The following CDH11 variants were observed in gnomAD, a reference collection of about 807,000 sequenced individuals.
CDH11 encodes cadherin 11.
In CDH11, 11 loss-of-function variants were observed where a neutral mutation model predicts 67.8. That is an observed-to-expected ratio of 0.16 (90% CI 0.10 to 0.27). The LOEUF (loss-of-function observed/expected upper bound fraction) is 0.27, where lower values mean the gene tolerates loss of function less well. CDH11 is among the 10% of genes least tolerant of loss of function. The pLI is 1.00. For missense variants in CDH11, 847 were observed against 1,031.2 expected, an observed-to-expected ratio of 0.82 and a Z score of 2.45; for synonymous variants, 419 against 400.0, an observed-to-expected ratio of 1.05 and a Z score of -0.57.
chr16:65,091,047 G>C (rs2074784338), intron 1 of CDH11, among the ~76,000 whole-genome samples: 1 of 152,238 alleles, frequency 6.6e-6, no homozygotes, highest in Non-Finnish European at 1.5e-5. Flanking sequence ...ATACGCATAA[G>C]TGCGTAAGTA....
intron 2 of CDH11, among the ~76,000 whole-genome samples, chr16:65,011,174 G>T (rs546751011): frequency 6.6e-6 from 1 of 150,908 alleles, no homozygotes; most frequent in Admixed American, 6.6e-5. Flanking sequence ...GTGAGGCTTA[G>T]TGTCCTTATG....
rs1182087240 is a variant in CDH11, at chr16:65,048,701, TATAGAC to T, written c.-173+5097_-173+5102del. Among the ~76,000 whole-genome samples the T allele has an allele frequency of 2.0e-5, 3 of 152,210 alleles. No individual in the cohort carries two copies. The East Asian group carries it at 5.8e-4, about 29-fold the overall frequency. ...GTATATATGTGTGTGTATATGTAGA[TATAGAC>T]ATATATATTTATGTGTGTATATATG... is the stretch of plus-strand genomic sequence containing the variant. On this transcript the variant is annotated intron_variant, in intron 2 of 12. Coordinates refer to ENST00000268603, the MANE Select transcript of CDH11 (RefSeq NM_001797.4).
chr16:64,998,883 T>C, intron 3 of CDH11, 27 bp from the exon 4 acceptor site: 1 of 1,602,278 alleles, frequency 6.2e-7, no homozygotes, highest in Non-Finnish European at 8.5e-7. Flanking sequence ...TTGAGATTTT[T>C]AATTCCATGA....
intron 1 of CDH11, chr16:65,119,261 A>G (rs1033550804): frequency 2.0e-5 from 3 of 152,222 alleles, no homozygotes; most frequent in African/African-American, 4.8e-5. Flanking sequence ...TGGCTCTCCA[A>G]GTCTGTCCCC....
rs527742715 is a variant in CDH11, at chr16:65,061,549, G to A, written c.-297-7621C>T. ...GTAGGTTATCATTTTGCAAATAATC[G>A]GCTATTAACAATAAAATACCAACAG... On this transcript the variant is annotated intron_variant, in intron 1 of 12. Transcript: ENST00000268603. Among the ~76,000 whole-genome samples the A allele has an allele frequency of 8.9e-4, 136 of 151,990 alleles. 1 individual carries two copies. The highest frequency in any genetic ancestry group is 1.4e-3 in the Non-Finnish European group (94 of 67,968).
intron 8 of CDH11, among the ~76,000 whole-genome samples, chr16:64,974,098 T>C (rs1194859007): frequency 1.3e-5 from 2 of 151,982 alleles, no homozygotes; most frequent in African/African-American, 2.4e-5. Flanking sequence ...CAAAGTGAGG[T>C]GGGAGATGGC....
intron 2 of CDH11, among the ~76,000 whole-genome samples, chr16:65,012,308 A>AGTT (rs2073200339): frequency 6.6e-6 from 1 of 152,194 alleles, no homozygotes; most frequent in Non-Finnish European, 1.5e-5. Flanking sequence ...AACAACACCC[A>AGTT]GTTCAGTGAC....
chr16:65,069,845 A>G (rs1486714182), intron 1 of CDH11, among the ~76,000 whole-genome samples: 3 of 152,090 alleles, frequency 2.0e-5, no homozygotes, highest in African/African-American at 7.2e-5. Flanking sequence ...TCCAACACAC[A>G]TCAGTTGACC....
chr16:65,097,222 G>A (rs767853420), intron 1 of CDH11, among the ~76,000 whole-genome samples: 6 of 152,298 alleles, frequency 3.9e-5, no homozygotes, highest in Non-Finnish European at 7.4e-5. Flanking sequence ...AATAATATAC[G>A]TGTTGTAAAG....
At chr16:64,949,631 G>C (rs1401545141) in intron 12 of CDH11, among the ~76,000 whole-genome samples, 2 of 151,926 alleles carry the variant, frequency 1.3e-5, no homozygotes, top group Non-Finnish European at 2.9e-5. Context: ...TCTCCATGTT[G>C]TTCAGGCTGG....
chr16:64,991,720 G>A, intron 6 of CDH11, 48 bp downstream of exon 6: 1 of 1,439,746 alleles, frequency 6.9e-7, no homozygotes, highest in Non-Finnish European at 9.7e-7. Flanking sequence ...GAGGGAGAGA[G>A]CTGGCTGTGT....
intron 4 of CDH11, among the ~76,000 whole-genome samples, chr16:64,994,764 C>T (rs1219794158): frequency 6.6e-6 from 1 of 152,102 alleles, no homozygotes; most frequent in Non-Finnish European, 1.5e-5. Context: ...AAGAAGAAGT[C>T]AAATTATTTC....
chr16:64,982,346 A>G (rs2072376089), intron 7 of CDH11, 45 bp from the exon 8 acceptor site: 2 of 1,482,662 alleles, frequency 1.3e-6, no homozygotes, highest in Non-Finnish European at 1.9e-6. Context: ...CCTTGAAAGA[A>G]TAATGGAAGA....
At chr16:65,103,589 A>T (rs1307158655) in intron 1 of CDH11, among the ~76,000 whole-genome samples, 2 of 152,198 alleles carry the variant, frequency 1.3e-5, no homozygotes, top group East Asian at 3.9e-4. Context: ...TTTGAAGATG[A>T]ATTAGATAAC....
intron 1 of CDH11, among the ~76,000 whole-genome samples, chr16:65,084,172 T>C (rs563797246): frequency 6.6e-6 from 1 of 152,328 alleles, no homozygotes; most frequent in South Asian, 2.1e-4. Flanking sequence ...GATGATAGGA[T>C]AATTTACAGA....
At chr16:65,098,526 G>T (rs2074937211) in intron 1 of CDH11, among the ~76,000 whole-genome samples, 1 of 151,982 alleles carries the variant, frequency 6.6e-6, no homozygotes, top group Admixed American at 6.6e-5. Flanking sequence ...GTGTGTGTGT[G>T]TGTGTGTGTG....
At chr16:65,104,912 C>A (rs1387600761) in intron 1 of CDH11, among the ~76,000 whole-genome samples, 1 of 152,138 alleles carries the variant, frequency 6.6e-6, no homozygotes, top group Admixed American at 6.6e-5. Flanking sequence ...TTCTCAATTT[C>A]ATAAGAATTA....
intron 12 of CDH11, chr16:64,948,745 A>G: frequency 6.4e-7 from 1 of 1,561,352 alleles, no homozygotes; most frequent in South Asian, 1.1e-5. Context: ...AAGCAATCTC[A>G]TGTCTTCCCT....
At chr16:65,057,659 C>T (rs1004520566) in intron 1 of CDH11, among the ~76,000 whole-genome samples, 1 of 152,142 alleles carries the variant, frequency 6.6e-6, no homozygotes, top group African/African-American at 2.4e-5. Context: ...CCTTTTTCCA[C>T]TTTCCCTCTC....
Sources: allele counts gnomAD v4.1 joint callset (sites outside exome capture counted in the v4.1 genomes callset), GRCh38; gene constraint gnomAD v4.1.1; transcripts MANE v1.5; gene names NCBI Gene and HGNC (gene_info 2026-07-23, HGNC 2026-07-21).